Variants in AACS observed in about 807,000 individuals in gnomAD.
The protein encoded by AACS is acetoacetate-CoA ligase.
In AACS, 69 loss-of-function variants were observed where a neutral mutation model predicts 83.1. The observed-to-expected ratio is 0.83, with a 90% confidence interval of 0.68 to 1.01. AACS has a LOEUF of 1.01. Ranked by LOEUF, AACS falls within the 50% of genes least tolerant of loss-of-function variation. The pLI is 0.00. For synonymous variants in AACS, 333 were observed against 343.4 expected, an observed-to-expected ratio of 0.97 and a Z score of 0.33; for missense variants, 866 against 882.2, an observed-to-expected ratio of 0.98 and a Z score of 0.23.
intron 15 of AACS, 145 bp downstream of exon 15, chr12:125,134,217 C>A: frequency 1.2e-6 from 1 of 837,116 alleles, no homozygotes; most frequent in Non-Finnish European, 1.8e-6. Context: ...TCCACACCAC[C>A]CACACCTCTG....
chr12:125,110,619 T>A (rs1386640253), intron 8 of AACS, among the ~76,000 whole-genome samples: 1 of 152,168 alleles, frequency 6.6e-6, no homozygotes, highest in Non-Finnish European at 1.5e-5. Flanking sequence ...GCTCAGCCTA[T>A]AGGGAGGAGA....
In AACS at chr12:125,094,868, C is replaced by T. The variant is rs993247929; in HGVS notation, c.570+3345C>T. ...TTTTGTTTCACTGTTTACCTTTGAG[C>T]CTTTGCCATTTTCAGAGATGTCAGG... On this transcript the variant is annotated intron_variant, in intron 5 of 17. Coordinates refer to ENST00000316519, the MANE Select transcript of AACS (RefSeq NM_023928.5). The surrounding 1 kb of genome is among the most constrained non-coding windows in gnomAD (Gnocchi z 4.1). 6.6e-6 allele frequency among the ~76,000 whole-genome samples: 1 copy of T among 152,142 alleles called. No homozygotes were observed. Among genetic ancestry groups the T allele is most frequent in the Non-Finnish European group, 1.5e-5 (1 of 68,020 alleles).
chr12:125,106,570 C>T (rs1317168100), intron 7 of AACS, among the ~76,000 whole-genome samples: 1 of 152,172 alleles, frequency 6.6e-6, no homozygotes, highest in Non-Finnish European at 1.5e-5. Context: ...AAATTGACCC[C>T]ACATCTGTAG....
chr12:125,119,344 A>T (rs767514984), intron 10 of AACS, among the ~76,000 whole-genome samples: 24 of 152,210 alleles, frequency 1.6e-4, no homozygotes, highest in African/African-American at 2.4e-5. Flanking sequence ...AAGGAGGAAA[A>T]CCGAGGGTCG....
At chr12:125,120,059 C>G (rs1957127364) in intron 10 of AACS, 1 of 152,176 alleles carries the variant, frequency 6.6e-6, no homozygotes, top group Admixed American at 6.6e-5. Flanking sequence ...GACAGGAATC[C>G]CATGAGCACA....
intron 4 of AACS, among the ~76,000 whole-genome samples, chr12:125,090,072 A>G (rs890812038): frequency 2.8e-5 from 4 of 144,876 alleles, no homozygotes; most frequent in Non-Finnish European, 6.0e-5. Context: ...CCATCTATCC[A>G]TCCACTCATC....
intron 3 of AACS, among the ~76,000 whole-genome samples, chr12:125,078,859 G>A (rs933793409): frequency 2.0e-5 from 3 of 148,298 alleles, no homozygotes; most frequent in Non-Finnish European, 4.5e-5. Context: ...TCCTCTGCAA[G>A]GAGACAAGCT....
chr12:125,082,121 C>T (rs927266014), intron 3 of AACS, among the ~76,000 whole-genome samples: 1 of 151,556 alleles, frequency 6.6e-6, no homozygotes, highest in South Asian at 2.1e-4. Context: ...GTGATCTGCC[C>T]GCCTCCCAAA....
Position 125,142,284 on chromosome 12 carries a change from G to A in AACS, c.*55G>A. 1.9e-6 allele frequency: 3 copies of A among 1,591,310 alleles called. No homozygotes were observed. The highest frequency in any genetic ancestry group is 2.2e-5 in the South Asian group (2 of 89,618). ...CACCCGTGTGCACTGTAACTTTTGT[G>A]TGCTCAAGAAATTATACAGAAACCT... On this transcript the variant is annotated 3_prime_UTR_variant, in exon 18 of 18. Transcript: ENST00000316519.
At chr12:125,134,929 A>C (rs1593011044) in intron 16 of AACS, 77 bp downstream of exon 16, 1 of 1,534,186 alleles carries the variant, frequency 6.5e-7, no homozygotes, top group Non-Finnish European at 9.0e-7. Context: ...CAGGAGCCCC[A>C]CCTTTGGCAC....
chr12:125,118,645 G>A lies in AACS; in HGVS notation c.1001G>A (p.Gly334Asp). ...SDILLCYTTV[G>D]WMMWNWMVSL... ...GCATCCCTCCTGTCTTTGCAGGTCG[G>A]CTGGATGATGTGGAACTGGATGGTG... Residue 334 changes from glycine (G) to aspartate (D), a missense_variant, in exon 10 of 18, where the codon GGC (glycine) becomes GAC (aspartate). Physicochemically the swap from Gly to Asp is moderately conservative, Grantham distance 94. Transcript: ENST00000316519. 1 of 1,614,036 alleles carries A rather than the reference G, an allele frequency of 6.2e-7. No individual in the cohort carries two copies. The highest frequency in any genetic ancestry group is 8.5e-7 in the Non-Finnish European group (1 of 1,179,948).
rs761055358 is a variant in AACS at position 125,102,090 on chromosome 12, AC to A, written c.571-587del. 155 of 147,928 alleles carry A rather than the reference AC, an allele frequency of 1.0e-3. 2 individuals are homozygous for A. The highest frequency in any genetic ancestry group is 3.4e-3 in the African/African-American group (136 of 39,646). The allele number at this position is 147,928 out of a possible 1,614,324, so 9.2% of individuals were successfully genotyped here. On this transcript the variant is annotated intron_variant, in intron 5 of 17. Transcript: ENST00000316519. ...TTTTAAAAAAAAAAACAAAAAAAAA[AC>A]CAGAATCTTGCTCGGTTGCCCAGGC...
chr12:125,096,721 G>A (rs531861166), intron 5 of AACS, among the ~76,000 whole-genome samples: 2 of 152,296 alleles, frequency 1.3e-5, no homozygotes, highest in South Asian at 4.1e-4. Flanking sequence ...GGACATGAAA[G>A]AGTCTGAGAA....
Position 125,125,018 on chromosome 12 carries a change from A to C in AACS, c.1303A>C (p.Ile435Leu). The C allele has an allele frequency of 6.2e-7, 1 of 1,614,090 alleles. No homozygotes were observed. The highest frequency in any genetic ancestry group is 8.5e-7 in the Non-Finnish European group (1 of 1,180,004). The change falls in exon 12 of 18, where the codon ATC becomes CTC. Residue 435 changes from isoleucine (I) to leucine (L), a missense_variant. Coordinates refer to ENST00000316519, the MANE Select transcript of AACS (RefSeq NM_023928.5). The part of the protein sequence containing the change: ...CIKSSILLGS[I>L]SGGTDIISCF... The stretch of plus-strand genomic sequence containing the variant: ...CAAGAGCAGCATCCTCCTGGGCTCC[A>C]TCTCAGGTATGGCCCCGGTGGGGAC...
In AACS at chr12:125,143,117, T is replaced by G. The variant is rs1957528035; in HGVS notation, c.*888T>G. The G allele has an allele frequency of 6.6e-6, 1 of 152,240 alleles. No homozygotes were observed. Among genetic ancestry groups the G allele is most frequent in the Non-Finnish European group, 1.5e-5 (1 of 68,050 alleles). The allele number at this position is 152,240 out of a possible 1,614,324, so 9.4% of individuals were successfully genotyped here. A position where few individuals can be genotyped will look rare whatever the true frequency, so the allele number is the denominator to read the frequency against. ...GCACCCCTAAGTCAAGTCACGGGTT[T>G]CCATAGCCAGGCAGTTGGTATGTAC... On this transcript the variant is annotated 3_prime_UTR_variant, in exon 18 of 18. Transcript: ENST00000316519.
rs778853212 is a variant in AACS at position 125,114,485 on chromosome 12, C to T, written c.924C>T (p.Leu308=). ...CCGTGTCTCCCCTGCAGGGCACCCT[C>T]ATCCAGCATCTGAAGGAGCACCTGC... ...KCMVHSAGGT[L]IQHLKEHLLH... Residue 308 remains leucine (L), a synonymous_variant, in exon 9 of 18, where the codon CTC becomes CTT. Transcript: ENST00000316519. 1.1e-5 allele frequency: 18 copies of T among 1,613,212 alleles called. No homozygotes were observed. Among genetic ancestry groups the T allele is most frequent in the Non-Finnish European group, 1.4e-5 (17 of 1,179,616 alleles).
chr12:125,115,877 A>G (rs898773938), intron 9 of AACS, among the ~76,000 whole-genome samples: 1 of 151,470 alleles, frequency 6.6e-6, no homozygotes, highest in South Asian at 2.1e-4. Context: ...AAAGGGTCAG[A>G]CCCCTGAGAC....
chr12:125,079,286 G>A (rs1371882779), intron 3 of AACS, among the ~76,000 whole-genome samples: 3 of 152,182 alleles, frequency 2.0e-5, no homozygotes, highest in African/African-American at 7.2e-5. Flanking sequence ...CAAGGGCTGG[G>A]TGATCCCGTG....
chr12:125,109,350 C>T (rs945900187), intron 8 of AACS, among the ~76,000 whole-genome samples: 2 of 152,064 alleles, frequency 1.3e-5, no homozygotes, highest in Non-Finnish European at 2.9e-5. Flanking sequence ...CTCTTGGGCT[C>T]AAGTGATCCT....
Sources: gnomAD v4.1 joint callset for allele counts (sites outside exome capture counted in the v4.1 genomes callset) on GRCh38, gnomAD v4.1.1 for gene constraint, Gnocchi (gnomAD v3.1) non-coding constraint, MANE v1.5 for transcripts, NCBI Gene and HGNC (gene_info 2026-07-23, HGNC 2026-07-21) for gene names.